SLC24A2: variants seen among roughly 807,000 people sequenced by gnomAD.
SLC24A2 encodes the protein solute carrier family 24 member 2.
In SLC24A2, 36 loss-of-function variants were observed where a neutral mutation model predicts 62.0. The observed-to-expected ratio is 0.58, with a 90% confidence interval of 0.44 to 0.77. The LOEUF is 0.77. Ranked by LOEUF, SLC24A2 falls within the 30% of genes least tolerant of loss-of-function variation. The pLI is 0.00. For missense variants in SLC24A2, 846 were observed against 817.9 expected (o/e 1.03, Z -0.42); for synonymous variants, 358 against 294.0 (o/e 1.22, Z -2.23).
the SLC24A2 span, among the ~76,000 whole-genome samples, chr9:19,963,694 A>G: frequency 1.2e-4 from 19 of 152,224 alleles, no homozygotes; most frequent in Admixed American, 4.6e-4. Context: ...AGTTAGAATG[A>G]CAATCATTAA....
At chr9:19,831,039 A>G in the SLC24A2 span, among the ~76,000 whole-genome samples, 1 of 152,186 alleles carries the variant, frequency 6.6e-6, no homozygotes, top group East Asian at 1.9e-4. Flanking sequence ...AGGAAAGGAA[A>G]GGAAAGGCAA....
the SLC24A2 span, among the ~76,000 whole-genome samples, chr9:19,903,061 G>T: frequency 6.6e-6 from 1 of 150,632 alleles, no homozygotes; most frequent in Non-Finnish European, 1.5e-5. Context: ...TTAATAAGCA[G>T]GTTTTTCAAT....
chr9:20,022,780 G>A, the SLC24A2 span, among the ~76,000 whole-genome samples: 1 of 152,142 alleles, frequency 6.6e-6, no homozygotes, highest in Non-Finnish European at 1.5e-5. Context: ...ATCCTGCCTT[G>A]AATGGCATAT....
chr9:20,111,484 T>G, the SLC24A2 span, among the ~76,000 whole-genome samples: 22 of 152,288 alleles, frequency 1.4e-4, no homozygotes, highest in South Asian at 2.5e-3. Context: ...AGCCCTTTAT[T>G]AATCTCTTCT....
chr9:19,554,523 G>C (rs987584959), intron 7 of SLC24A2, among the ~76,000 whole-genome samples: 1 of 152,196 alleles, frequency 6.6e-6, no homozygotes, highest in African/African-American at 2.4e-5. Flanking sequence ...AGGGATGACA[G>C]TACTGCCTTT....
intron 2 of SLC24A2, among the ~76,000 whole-genome samples, chr9:19,722,432 G>C (rs956919899): frequency 1.3e-5 from 2 of 151,992 alleles, no homozygotes; most frequent in Non-Finnish European, 2.9e-5. Flanking sequence ...TAAAAATCCT[G>C]TCTCCTTTGG....
the SLC24A2 span, among the ~76,000 whole-genome samples, chr9:19,850,789 C>T: frequency 6.6e-6 from 1 of 150,388 alleles, no homozygotes; most frequent in African/African-American, 2.4e-5. Context: ...TAGCATGTGT[C>T]AATATTTCAT....
At chr9:20,187,263 T>C in the SLC24A2 span, among the ~76,000 whole-genome samples, 1 of 152,230 alleles carries the variant, frequency 6.6e-6, no homozygotes, top group Non-Finnish European at 1.5e-5. Flanking sequence ...ACATAAGACC[T>C]ACTTTTTAAA....
chr9:19,702,465 C>A (rs7043525), intron 2 of SLC24A2, among the ~76,000 whole-genome samples: 2 of 151,960 alleles, frequency 1.3e-5, no homozygotes, highest in East Asian at 1.9e-4. Flanking sequence ...ATTTAACAAC[C>A]CATGGTGACT....
the SLC24A2 span, among the ~76,000 whole-genome samples, chr9:19,972,067 G>A: frequency 6.6e-6 from 1 of 152,116 alleles, no homozygotes. Flanking sequence ...CAAACAAGTT[G>A]AGTAAGGACG....
intron 2 of SLC24A2, among the ~76,000 whole-genome samples, chr9:19,646,133 C>T (rs995762792): frequency 2.0e-5 from 3 of 152,202 alleles, no homozygotes; most frequent in African/African-American, 7.2e-5. Context: ...ACTCTAGGCA[C>T]ACAGCTAATC....
At chr9:20,028,484 G>T in the SLC24A2 span, among the ~76,000 whole-genome samples, 25 of 152,232 alleles carry the variant, frequency 1.6e-4, 1 homozygote, top group East Asian at 2.7e-3. Flanking sequence ...ATGGGGGCAG[G>T]AAAGTGCCCA....
At chr9:19,927,363 T>C in the SLC24A2 span, 2 of 152,320 alleles carry the variant, frequency 1.3e-5, no homozygotes, top group South Asian at 2.1e-4. Flanking sequence ...CTAAGCCTAG[T>C]TTCCTCCTCC....
chr9:20,272,515 C>G, the SLC24A2 span, among the ~76,000 whole-genome samples: 1 of 152,044 alleles, frequency 6.6e-6, no homozygotes, highest in Non-Finnish European at 1.5e-5. Flanking sequence ...TAAACAAGAC[C>G]CTATGCTTCT....
At chr9:19,763,310 C>CTTTTA (rs1822403614) in intron 2 of SLC24A2, among the ~76,000 whole-genome samples, 2 of 152,134 alleles carry the variant, frequency 1.3e-5, no homozygotes, top group Non-Finnish European at 2.9e-5. Flanking sequence ...CCCTTTGTTT[C>CTTTTA]TTTCTCTTGC....
At chr9:19,883,923 C>G in the SLC24A2 span, among the ~76,000 whole-genome samples, 2 of 152,156 alleles carry the variant, frequency 1.3e-5, no homozygotes, top group Non-Finnish European at 2.9e-5. Context: ...TATTAAAGGT[C>G]TACCCTGTAA....
chr9:19,905,977 C>G, the SLC24A2 span, among the ~76,000 whole-genome samples: 1 of 152,128 alleles, frequency 6.6e-6, no homozygotes, highest in Non-Finnish European at 1.5e-5. Context: ...CCAAGCAGAC[C>G]TAATAGACAT....
the SLC24A2 span, among the ~76,000 whole-genome samples, chr9:20,271,118 C>G: frequency 6.6e-6 from 1 of 152,276 alleles, no homozygotes; most frequent in Middle Eastern, 3.4e-3. Flanking sequence ...GGAGTCCTTC[C>G]CATAAAGGGC....
the SLC24A2 span, among the ~76,000 whole-genome samples, chr9:19,960,053 G>C: frequency 6.6e-6 from 1 of 152,216 alleles, no homozygotes; most frequent in Admixed American, 6.5e-5. Context: ...AAGGCCTGCA[G>C]AAAGTGTGTC....
Sources: gnomAD v4.1 joint callset for allele counts (sites outside exome capture counted in the v4.1 genomes callset) on GRCh38, gnomAD v4.1.1 for gene constraint, MANE v1.5 for transcripts, NCBI Gene and HGNC (gene_info 2026-07-23, HGNC 2026-07-21) for gene names.